Variants in ZRANB1 observed in about 807,000 individuals in gnomAD.
The protein encoded by ZRANB1 is zinc finger RANBP2-type containing 1, also known as ubiquitin thioesterase ZRANB1.
A neutral mutation model predicts 80.5 loss-of-function variants in ZRANB1; 16 were observed. The ratio of observed to expected loss-of-function variants is 0.20; its 90% CI spans 0.13 to 0.30. ZRANB1 has a LOEUF of 0.30. ZRANB1 is among the 10% of genes least tolerant of loss of function. The pLI, the probability that ZRANB1 is intolerant of heterozygous loss-of-function variation, is 1.00. For missense variants in ZRANB1, 576 were observed against 862.6 expected, an observed-to-expected ratio of 0.67 and a Z score of 4.16; for synonymous variants, 291 against 293.1, an observed-to-expected ratio of 0.99 and a Z score of 0.07.
At chr10:124,970,804 CTG>C (rs1019747678) in intron 2 of ZRANB1, among the ~76,000 whole-genome samples, 1 of 147,028 alleles carries the variant, frequency 6.8e-6, no homozygotes, top group African/African-American at 2.5e-5. Context: ...AACAGGCTCA[CTG>C]TGGGTTCCCA....
At chr10:124,973,244 C>T (rs963341) in intron 3 of ZRANB1, among the ~76,000 whole-genome samples, 20,144 of 152,074 alleles carry the variant, frequency 0.13, 1,512 homozygotes, top group African/African-American at 0.19. Context: ...CCTTGGCCTC[C>T]CCAGGCTCAA....
chr10:124,961,459 G>C (rs1951734503), intron 1 of ZRANB1, among the ~76,000 whole-genome samples: 2 of 152,206 alleles, frequency 1.3e-5, no homozygotes, highest in African/African-American at 4.8e-5. Flanking sequence ...ATAACTTTGT[G>C]GCATGTTTCC....
the ZRANB1 span, among the ~76,000 whole-genome samples, chr10:124,927,619 T>A: frequency 6.6e-6 from 1 of 152,254 alleles, no homozygotes; most frequent in African/African-American, 2.4e-5. Context: ...AAATGATTAA[T>A]AAGCAATGTT....
chr10:124,931,229 G>T, the ZRANB1 span, among the ~76,000 whole-genome samples: 4 of 151,544 alleles, frequency 2.6e-5, no homozygotes, highest in Admixed American at 2.6e-4. Context: ...CCACCATACC[G>T]GGCTAACTTT....
chr10:124,956,400 C>T (rs915755883), intron 1 of ZRANB1, among the ~76,000 whole-genome samples: 2 of 152,168 alleles, frequency 1.3e-5, no homozygotes, highest in East Asian at 1.9e-4. Context: ...GTTTCTTCTT[C>T]TCTCTACCTC....
the ZRANB1 span, among the ~76,000 whole-genome samples, chr10:124,918,886 T>G: frequency 2.0e-5 from 3 of 152,230 alleles, no homozygotes; most frequent in Admixed American, 6.5e-5. Context: ...AGGACAGTAA[T>G]GACATTTTGC....
chr10:124,930,970 C>T, the ZRANB1 span, among the ~76,000 whole-genome samples: 2 of 152,220 alleles, frequency 1.3e-5, no homozygotes, highest in South Asian at 4.2e-4. Context: ...GTCGAGGTTG[C>T]AGTGAGCCAT....
At chr10:124,924,001 C>T in the ZRANB1 span, among the ~76,000 whole-genome samples, 1 of 151,918 alleles carries the variant, frequency 6.6e-6, no homozygotes, top group South Asian at 2.1e-4. Context: ...CTGTCCCTCT[C>T]ACTCCTGAAC....
At chr10:124,964,059 T>G (rs1018410185) in intron 1 of ZRANB1, among the ~76,000 whole-genome samples, 2 of 152,242 alleles carry the variant, frequency 1.3e-5, no homozygotes, top group Non-Finnish European at 2.9e-5. Context: ...GTATGCCCGT[T>G]TGTAGTTTAA....
Position 124,974,291 on chromosome 10 carries a change from A to G in ZRANB1, c.1320A>G (p.Ala440=), listed in dbSNP as rs745467212. The G allele has an allele frequency of 1.2e-6, 2 of 1,614,254 alleles. No homozygotes were observed. Among genetic ancestry groups the G allele is most frequent in the Non-Finnish European group, 1.7e-6 (2 of 1,180,036 alleles). Residue 440 remains alanine (A), a synonymous_variant, in exon 5 of 9, where the codon GCA becomes GCG. Transcript: ENST00000359653. ...TGTATGCACTTTGGAACCGGACTGC[A>G]GGAGACTGCCTACTTGATTCAGTTC... ...SRLYALWNRT[A]GDCLLDSVLQ... is the part of the protein sequence containing the mutation.
intron 1 of ZRANB1, among the ~76,000 whole-genome samples, chr10:124,958,362 G>C (rs979867278): frequency 8.5e-5 from 13 of 152,152 alleles, no homozygotes; most frequent in Admixed American, 8.5e-4. Context: ...GCTGCAGGGA[G>C]CTATGATCAG....
rs560243606 is a variant in ZRANB1 at position 124,986,667 on chromosome 10, T to G, written c.*1675T>G. ...TGTTGTTAAAAATTGGCTGTTTGCT[T>G]TCATTTTGGCCAATAAGTAATCAAG... On this transcript the variant is annotated 3_prime_UTR_variant, in exon 9 of 9. Coordinates refer to ENST00000359653, the MANE Select transcript of ZRANB1 (RefSeq NM_017580.3). The G allele has an allele frequency of 1.3e-5, 2 of 152,218 alleles. No homozygotes were observed. Among genetic ancestry groups the G allele is most frequent in the Non-Finnish European group, 2.9e-5 (2 of 68,040 alleles). The allele number at this position is 152,218 out of a possible 1,614,324, so 9.4% of individuals were successfully genotyped here.
intron 1 of ZRANB1, among the ~76,000 whole-genome samples, chr10:124,955,080 G>A (rs1021173637): frequency 2.0e-5 from 3 of 151,352 alleles, no homozygotes; most frequent in African/African-American, 7.3e-5. Flanking sequence ...AGTGAGCCGA[G>A]ATTGCGCCAC....
the ZRANB1 span, among the ~76,000 whole-genome samples, chr10:124,928,681 C>A: frequency 6.6e-6 from 1 of 152,158 alleles, no homozygotes; most frequent in Non-Finnish European, 1.5e-5. Context: ...CATCTGTGAA[C>A]AAGACAAAGT....
the ZRANB1 span, among the ~76,000 whole-genome samples, chr10:124,936,358 G>T: frequency 6.6e-6 from 1 of 152,196 alleles, no homozygotes; most frequent in Non-Finnish European, 1.5e-5. Flanking sequence ...ACAGTAATTA[G>T]ATAGAAACCA....
the ZRANB1 span, among the ~76,000 whole-genome samples, chr10:124,925,492 G>A: frequency 6.6e-6 from 1 of 152,088 alleles, no homozygotes; most frequent in Non-Finnish European, 1.5e-5. Context: ...ATGTATTCTG[G>A]ATACAATTCC....
At chr10:124,956,493 G>C (rs1951688608) in intron 1 of ZRANB1, among the ~76,000 whole-genome samples, 1 of 152,002 alleles carries the variant, frequency 6.6e-6, no homozygotes, top group South Asian at 2.1e-4. Context: ...TTTTGAGACG[G>C]AGTCTTGCTC....
intron 1 of ZRANB1, among the ~76,000 whole-genome samples, chr10:124,944,274 TTGAA>T (rs1160418527): frequency 6.6e-6 from 1 of 152,186 alleles, no homozygotes; most frequent in African/African-American, 2.4e-5. Flanking sequence ...GAGGGAAATT[TTGAA>T]TGATTACTAA....
chr10:124,922,326 G>GTAAAATATATATA, the ZRANB1 span, among the ~76,000 whole-genome samples: 8 of 25,634 alleles, frequency 3.1e-4, no homozygotes, highest in South Asian at 3.5e-3. Flanking sequence ...TAAAATATAT[G>GTAAAATATATATA]TATATATATA....
Sources: gnomAD v4.1 joint callset for allele counts (sites outside exome capture counted in the v4.1 genomes callset) on GRCh38, gnomAD v4.1.1 for gene constraint, MANE v1.5 for transcripts, NCBI Gene and HGNC (gene_info 2026-07-23, HGNC 2026-07-21) for gene names.